The following CCSER1 variants were observed in gnomAD, a reference collection of about 807,000 sequenced individuals.
The protein encoded by CCSER1 is serine-rich coiled-coil domain-containing protein 1.
In CCSER1, 41 loss-of-function variants were observed where a neutral mutation model predicts 82.0. That is an observed-to-expected ratio of 0.50 (90% confidence interval 0.39 to 0.65). The LOEUF is 0.65. Among genes scored for constraint, CCSER1 ranks in the 30% least tolerant of loss-of-function variants. CCSER1 has a pLI of 0.00. For missense variants in CCSER1, 1,119 were observed against 1,064.2 expected (o/e 1.05, Z -0.72); for synonymous variants, 414 against 383.9 (o/e 1.08, Z -0.92).
chr4:90,645,724 T>C (rs7672803), intron 6 of CCSER1, among the ~76,000 whole-genome samples: 33,686 of 152,132 alleles, frequency 0.22, 4,056 homozygotes, highest in Non-Finnish European at 0.28. Flanking sequence ...CCTACTGAAA[T>C]TCTATGTCCC....
At chr4:90,302,506 A>G (rs1733347845) in intron 1 of CCSER1, among the ~76,000 whole-genome samples, 1 of 152,162 alleles carries the variant, frequency 6.6e-6, no homozygotes, top group Non-Finnish European at 1.5e-5. Flanking sequence ...AGTGATTAGA[A>G]TATGGCAGTC....
intron 10 of CCSER1, among the ~76,000 whole-genome samples, chr4:91,091,065 T>C (rs957274232): frequency 2.6e-5 from 4 of 152,230 alleles, no homozygotes; most frequent in African/African-American, 9.6e-5. Flanking sequence ...CCCACATTTT[T>C]TTCCACACAA....
At chr4:91,058,643 C>A (rs1389033511) in intron 9 of CCSER1, among the ~76,000 whole-genome samples, 1 of 152,064 alleles carries the variant, frequency 6.6e-6, no homozygotes, top group African/African-American at 2.4e-5. Context: ...TACTCATTCT[C>A]TGGTCTTCTA....
At chr4:90,415,808 G>C (rs2153558207) in intron 4 of CCSER1, among the ~76,000 whole-genome samples, 1 of 152,314 alleles carries the variant, frequency 6.6e-6, no homozygotes, top group Middle Eastern at 3.4e-3. Context: ...TGGGTAATGA[G>C]AGTGATGCAT....
chr4:91,504,480 T>A (rs577925949), intron 10 of CCSER1, among the ~76,000 whole-genome samples: 5 of 152,284 alleles, frequency 3.3e-5, no homozygotes, highest in African/African-American at 1.2e-4. Context: ...GTCTTAATTG[T>A]TATGCTGGCC....
intron 10 of CCSER1, among the ~76,000 whole-genome samples, chr4:91,389,726 A>G (rs1751533137): frequency 6.6e-6 from 1 of 152,128 alleles, no homozygotes; most frequent in Non-Finnish European, 1.5e-5. Flanking sequence ...ATATCTGTTC[A>G]TTGATTTAGT....
At chr4:90,433,673 A>G (rs1486579084) in intron 4 of CCSER1, among the ~76,000 whole-genome samples, 1 of 152,118 alleles carries the variant, frequency 6.6e-6, no homozygotes, top group Non-Finnish European at 1.5e-5. Flanking sequence ...CTATAATGCT[A>G]TAGTCTATCA....
At chr4:90,650,873 G>A (rs1728627023) in intron 6 of CCSER1, among the ~76,000 whole-genome samples, 1 of 152,110 alleles carries the variant, frequency 6.6e-6, no homozygotes, top group Admixed American at 6.6e-5. Flanking sequence ...TTAAATATGT[G>A]AAATCTTGTA....
chr4:90,802,620 C>T (rs1756983707), intron 7 of CCSER1, among the ~76,000 whole-genome samples: 1 of 152,056 alleles, frequency 6.6e-6, no homozygotes, highest in Non-Finnish European at 1.5e-5. Flanking sequence ...TTTGCGCTAA[C>T]TAATAAAGAA....
chr4:91,477,748 G>A (rs1222172233), intron 10 of CCSER1, among the ~76,000 whole-genome samples: 1 of 151,622 alleles, frequency 6.6e-6, no homozygotes, highest in East Asian at 1.9e-4. Flanking sequence ...GCTTTCCAAA[G>A]GTGAAAGAGA....
intron 10 of CCSER1, among the ~76,000 whole-genome samples, chr4:91,429,746 A>G (rs1246096765): frequency 6.6e-6 from 1 of 151,914 alleles, no homozygotes; most frequent in South Asian, 2.1e-4. Flanking sequence ...TCTCAAGCAT[A>G]AGAATTTTAT....
At chr4:91,434,196 TG>T (rs1463283609) in intron 10 of CCSER1, among the ~76,000 whole-genome samples, 3 of 142,932 alleles carry the variant, frequency 2.1e-5, no homozygotes, top group Non-Finnish European at 3.0e-5. Flanking sequence ...ACTTTTTGTT[TG>T]TTTTTTTTTT....
intron 10 of CCSER1, among the ~76,000 whole-genome samples, chr4:91,170,321 C>A (rs139336989): frequency 6.6e-6 from 1 of 152,086 alleles, no homozygotes; most frequent in African/African-American, 2.4e-5. Flanking sequence ...ATAACAGATG[C>A]ATGATAAATC....
intron 8 of CCSER1, among the ~76,000 whole-genome samples, chr4:90,888,873 G>A (rs1200437657): frequency 2.0e-5 from 3 of 152,178 alleles, no homozygotes; most frequent in African/African-American, 7.2e-5. Context: ...CTCCTTTTCA[G>A]GGTCAGTAGA....
intron 1 of CCSER1, among the ~76,000 whole-genome samples, chr4:90,163,071 A>G (rs756206633): frequency 7.9e-5 from 12 of 152,100 alleles, no homozygotes; most frequent in Non-Finnish European, 1.6e-4. Context: ...GATGCATATA[A>G]TTATTTTCAA....
intron 10 of CCSER1, among the ~76,000 whole-genome samples, chr4:91,382,958 A>G (rs929596262): frequency 6.6e-6 from 1 of 152,118 alleles, no homozygotes; most frequent in Non-Finnish European, 1.5e-5. Context: ...GTCCACCAGA[A>G]AAAAGATTCT....
chr4:91,221,339 A>G (rs1029924802), intron 10 of CCSER1, among the ~76,000 whole-genome samples: 1 of 152,164 alleles, frequency 6.6e-6, no homozygotes, highest in Non-Finnish European at 1.5e-5. Flanking sequence ...ATAAGTTATC[A>G]TGAATTTCCT....
chr4:90,558,721 G>A (rs936482401), intron 5 of CCSER1, among the ~76,000 whole-genome samples: 1 of 152,050 alleles, frequency 6.6e-6, no homozygotes, highest in Admixed American at 6.6e-5. Context: ...AATTGCAGAA[G>A]AATTGGCTAA....
intron 10 of CCSER1, among the ~76,000 whole-genome samples, chr4:91,571,103 C>T (rs1578819352): frequency 6.6e-6 from 1 of 152,162 alleles, no homozygotes; most frequent in Admixed American, 6.5e-5. Flanking sequence ...CATCTGAGAC[C>T]ACCTCAGCCT....
Sources: gnomAD v4.1 joint callset for allele counts (sites outside exome capture counted in the v4.1 genomes callset) on GRCh38, gnomAD v4.1.1 for gene constraint, MANE v1.5 for transcripts, NCBI Gene and HGNC (gene_info 2026-07-23, HGNC 2026-07-21) for gene names.